Variants in FAM220A observed in about 807,000 individuals in gnomAD.
FAM220A encodes family with sequence similarity 220 member A, also known as protein FAM220A.
For missense variants in FAM220A, 392 were observed against 321.6 expected (o/e 1.22, Z -1.68); for synonymous variants, 141 against 130.7 (o/e 1.08, Z -0.54).
rs75910050 is a variant in FAM220A, at chr7:6,330,718, G to A, written c.437C>T (p.Pro146Leu). The change falls in exon 2 of 2, where the codon CCC becomes CTC. Residue 146 changes from proline to leucine, a missense_variant. By Grantham distance (98) the Pro-to-Leu change is moderately conservative. Transcript: ENST00000313324. ...RATDGHRGQC[P>L]KGEPRVSRLP... ...TCGTGACACCCGAGGCTCTCCTTTG[G>A]GGCACTGTCCTCTGTGGCCGTCAGT... 1,503 of 1,614,066 alleles carry A rather than the reference G, an allele frequency of 9.3e-4. 7 individuals carry two copies. In the Middle Eastern group the frequency reaches 0.021, roughly 23 times the overall value.
chr7:6,341,441 C>CA (rs1562448113), intron 1 of FAM220A, among the ~76,000 whole-genome samples: 1 of 142,694 alleles, frequency 7.0e-6, no homozygotes, highest in African/African-American at 2.7e-5. Flanking sequence ...GACTCTGTCT[C>CA]AAAAAAATAA....
chr7:6,333,635 A>G (rs548845902), intron 1 of FAM220A, among the ~76,000 whole-genome samples: 6 of 151,528 alleles, frequency 4.0e-5, no homozygotes, highest in Admixed American at 3.3e-4. Flanking sequence ...TGTCACTGGG[A>G]TTACAGGCAG....
At chr7:6,339,772 T>C (rs988513364) in intron 1 of FAM220A, among the ~76,000 whole-genome samples, 2 of 150,356 alleles carry the variant, frequency 1.3e-5, no homozygotes, top group African/African-American at 4.9e-5. Context: ...TGCCCAGCCG[T>C]ACCCCTCTCT....
intron 1 of FAM220A, among the ~76,000 whole-genome samples, chr7:6,332,591 A>C (rs1562444596): frequency 6.6e-6 from 1 of 152,098 alleles, no homozygotes; most frequent in African/African-American, 2.4e-5. Context: ...CCAGATTCTC[A>C]GGAGGCTGAT....
rs767015560 is a variant in FAM220A at position 6,331,052 on chromosome 7, G to A, written c.103C>T (p.Pro35Ser). 2 of 1,613,718 alleles carry A rather than the reference G, an allele frequency of 1.2e-6. No homozygotes were observed. The highest frequency in any genetic ancestry group is 2.7e-5 in the African/African-American group (2 of 74,928). Residue 35 changes from proline to serine, a missense_variant, in exon 2 of 2, where the codon CCG (proline) becomes TCG (serine). Transcript: ENST00000313324. ...GCATCTGCAGGCCAAGGGCCCTCCG[G>A]CATTCTTTTCTTAAGGCTGCATGAT... ...KLSCSLKKRM[P>S]EGPWPADAPS...
Position 6,330,649 on chromosome 7 carries a change from T to C in FAM220A, c.506A>G (p.Asp169Gly). ...QKVPEMGSFQ[D>G]DPPSAFPKGL... ...CTTGGGAAAAGCACTTGGTGGGTCA[T>C]CCTGAAAACTTCCCATTTCCGGCAC... The change falls in exon 2 of 2, where the codon GAT (aspartate) becomes GGT (glycine). Residue 169 changes from aspartate (D) to glycine (G), a missense_variant. Coordinates refer to ENST00000313324, the MANE Select transcript of FAM220A (RefSeq NM_001037163.2). 2 of 1,614,082 alleles carry C rather than the reference T, an allele frequency of 1.2e-6. No individual in the cohort carries two copies. Among genetic ancestry groups the C allele is most frequent in the Non-Finnish European group, 1.7e-6 (2 of 1,180,016 alleles).
rs770503028 is a variant in FAM220A at position 6,331,245 on chromosome 7, G to C, written c.-81-10C>G. The C allele has an allele frequency of 3.8e-6, 5 of 1,313,348 alleles. No individual in the cohort carries two copies. The African/African-American group carries it at 6.0e-5, about 16-fold the overall frequency. 81.4% of individuals were successfully genotyped at this position (1,313,348 alleles called of 1,614,324 possible). A position where few individuals can be genotyped will look rare whatever the true frequency, so the allele number is the denominator to read the frequency against. On this transcript the variant is annotated splice_polypyrimidine_tract_variant and intron_variant, in intron 1 of 1. Transcript: ENST00000313324. Reference sequence around the variant, plus strand: ...GGATCTCAATATGAACCTAGGAAAGGGAATCAAATTAAAGTTCTAAAATGA... The same window carrying C: ...GGATCTCAATATGAACCTAGGAAAGCGAATCAAATTAAAGTTCTAAAATGA...
chr7:6,342,488 A>G (rs2113629), intron 1 of FAM220A, among the ~76,000 whole-genome samples: 67,989 of 151,740 alleles, frequency 0.45, 16,149 homozygotes, highest in East Asian at 0.88. Flanking sequence ...GCAGTGAGCC[A>G]AGATCACACC....
At chr7:6,333,623 T>C (rs185351510) in intron 1 of FAM220A, among the ~76,000 whole-genome samples, 1 of 151,610 alleles carries the variant, frequency 6.6e-6, no homozygotes, top group Admixed American at 6.6e-5. Flanking sequence ...TTCAGCCTCC[T>C]GTGTCACTGG....
chr7:6,330,836 A>C lies in FAM220A; in HGVS notation c.319T>G (p.Phe107Val). 6.2e-7 allele frequency: 1 copy of C among 1,614,170 alleles called. No individual in the cohort carries two copies. The highest frequency in any genetic ancestry group is 8.5e-7 in the Non-Finnish European group (1 of 1,180,018). Residue 107 changes from phenylalanine (F) to valine (V), a missense_variant, in exon 2 of 2, where the codon TTC (phenylalanine) becomes GTC (valine). Phe to Val is a conservative substitution (Grantham distance 50). Transcript: ENST00000313324. Reference sequence around the variant, plus strand: ...GCAAAACACTCTGTTGGAGCAGGGAACAAACCCACGGCTGTGCTCGGAGTG... The same window carrying C: ...GCAAAACACTCTGTTGGAGCAGGGACCAAACCCACGGCTGTGCTCGGAGTG... ...AATPSTAVGL[F>V]PAPTECFARV...
intron 1 of FAM220A, among the ~76,000 whole-genome samples, chr7:6,336,752 T>A (rs1272335326): frequency 6.6e-6 from 1 of 151,126 alleles, no homozygotes; most frequent in Non-Finnish European, 1.5e-5. Context: ...TTCCTCAAGG[T>A]TGGGTCATCA....
At chr7:6,333,909 C>G (rs916883440) in intron 1 of FAM220A, among the ~76,000 whole-genome samples, 3 of 145,234 alleles carry the variant, frequency 2.1e-5, no homozygotes, top group East Asian at 4.2e-4. Context: ...TGCAGTGGCG[C>G]CATCTCAGCT....
chr7:6,347,903 T>TATC (rs1262594376), intron 1 of FAM220A, among the ~76,000 whole-genome samples: 1 of 146,196 alleles, frequency 6.8e-6, no homozygotes, highest in African/African-American at 2.5e-5. Flanking sequence ...TTATTATTAT[T>TATC]ATTATTATTA....
At position 6,337,164 on chromosome 7, in the gene FAM220A, C is replaced by T. The variant is rs541165395; in HGVS notation, c.-81-5929G>A. Among the ~76,000 whole-genome samples, 18 of 152,070 alleles carry T rather than the reference C, an allele frequency of 1.2e-4. No individual in the cohort carries two copies. In the East Asian group the frequency reaches 1.7e-3, roughly 15 times the overall value. On this transcript the variant is annotated intron_variant, in intron 1 of 1. Coordinates refer to ENST00000313324, the MANE Select transcript of FAM220A (RefSeq NM_001037163.2). ...TCAGCTCACTGCAGCCTCTGCTTCC[C>T]GCACTCAAGCGACTCTCCTGTTTCA... is the stretch of plus-strand genomic sequence containing the variant.
At chr7:6,338,901 G>A (rs952804573) in intron 1 of FAM220A, among the ~76,000 whole-genome samples, 1 of 152,216 alleles carries the variant, frequency 6.6e-6, no homozygotes, top group African/African-American at 2.4e-5. Flanking sequence ...GGTGGGCCTT[G>A]AGGGACTGCC....
In FAM220A at chr7:6,330,971, A is replaced by T; in HGVS notation, c.184T>A (p.Ser62Thr). The T allele has an allele frequency of 1.2e-6, 2 of 1,614,234 alleles. No homozygotes were observed. The highest frequency in any genetic ancestry group is 1.7e-6 in the Non-Finnish European group (2 of 1,180,050). Reference protein sequence around the residue: ...VDGNSQSEALSLEMRKDPSGA... With the variant: ...VDGNSQSEALTLEMRKDPSGA... ...CTCGGATCCTTTCTCATTTCCAGTG[A>T]TAATGCCTCACTTTGTGAATTTCCA... The change falls in exon 2 of 2, where the codon TCA (serine) becomes ACA (threonine). Residue 62 changes from serine to threonine, a missense_variant. Transcript: ENST00000313324.
chr7:6,335,668 A>G (rs969304216), intron 1 of FAM220A, among the ~76,000 whole-genome samples: 4 of 152,176 alleles, frequency 2.6e-5, no homozygotes, highest in African/African-American at 9.6e-5. Flanking sequence ...ATACTTATAT[A>G]TATCTTGTGG....
intron 1 of FAM220A, among the ~76,000 whole-genome samples, chr7:6,332,460 T>C (rs1781656263): frequency 6.6e-6 from 1 of 152,212 alleles, no homozygotes; most frequent in Admixed American, 6.6e-5. Flanking sequence ...AACATCATAT[T>C]AGTTCCCTTA....
In FAM220A at chr7:6,331,244, G is replaced by C; in HGVS notation, c.-81-9C>G. ...TGGATCTCAATATGAACCTAGGAAA[G>C]GGAATCAAATTAAAGTTCTAAAATG... On this transcript the variant is annotated splice_polypyrimidine_tract_variant and intron_variant, in intron 1 of 1. Transcript: ENST00000313324. The C allele has an allele frequency of 7.5e-7, 1 of 1,325,898 alleles. No individual in the cohort carries two copies. Among genetic ancestry groups the C allele is most frequent in the Non-Finnish European group, 1.0e-6 (1 of 972,472 alleles). 82.1% of individuals were successfully genotyped at this position (1,325,898 alleles called of 1,614,324 possible). A position where few individuals can be genotyped will look rare whatever the true frequency, so the allele number is the denominator to read the frequency against.
Sources: gnomAD v4.1 joint callset for allele counts (sites outside exome capture counted in the v4.1 genomes callset) on GRCh38, gnomAD v4.1.1 for gene constraint, MANE v1.5 for transcripts, NCBI Gene and HGNC (gene_info 2026-07-23, HGNC 2026-07-21) for gene names.